Variants in SCARA5 observed in about 807,000 individuals in gnomAD.
The protein encoded by SCARA5 is scavenger receptor class A, member 5 (putative).
Under a neutral mutation model 46.3 loss-of-function variants are expected in SCARA5, and 45 were observed. The ratio of observed to expected loss-of-function variants is 0.97; its 90% CI spans 0.76 to 1.24. The LOEUF (loss-of-function observed/expected upper bound fraction) is 1.24, where lower values mean the gene tolerates loss of function less well. Among genes scored for constraint, SCARA5 ranks in the 50% most tolerant of loss-of-function variants. SCARA5 has a pLI of 0.00. For synonymous variants in SCARA5, 333 were observed against 306.5 expected (o/e 1.09, Z -0.90); for missense variants, 680 against 689.0 (o/e 0.99, Z 0.15).
intron 1 of SCARA5, among the ~76,000 whole-genome samples, 182 bp from the exon 2 acceptor site, chr8:27,987,812 G>T (rs547068708): frequency 6.6e-6 from 1 of 152,294 alleles, no homozygotes; most frequent in Admixed American, 6.5e-5. Context: ...AGGTCCTTGG[G>T]GCCGTGATGC....
intron 3 of SCARA5, among the ~76,000 whole-genome samples, chr8:27,958,304 C>T (rs1764485449): frequency 6.6e-6 from 1 of 152,258 alleles, no homozygotes; most frequent in Non-Finnish European, 1.5e-5. Flanking sequence ...CCTCCTCCCC[C>T]TCTTCCGGGG....
chr8:27,909,653 C>G lies in SCARA5; in HGVS notation c.997+10G>C, dbSNP rs552753730. The G allele has an allele frequency of 3.3e-6, 5 of 1,533,408 alleles. No homozygotes were observed. In the African/African-American group the frequency reaches 5.5e-5, roughly 17 times the overall value. The allele number at this position is 1,533,408 out of a possible 1,614,324, so 95.0% of individuals were successfully genotyped here. ...CTCTCCCAGGTACCACCCAGGGGCA[C>G]GCTCATTACCTCGAAGTCCAGGCAA... is the stretch of plus-strand genomic sequence containing the variant. On this transcript the variant is annotated intron_variant, in intron 5 of 8. Coordinates refer to ENST00000354914, the MANE Select transcript of SCARA5 (RefSeq NM_173833.6).
chr8:27,989,678 G>C (rs1274572500), intron 1 of SCARA5, among the ~76,000 whole-genome samples: 1 of 152,218 alleles, frequency 6.6e-6, no homozygotes, highest in East Asian at 1.9e-4. Flanking sequence ...GGAACAGGGG[G>C]TGGTCCTCGG....
chr8:27,884,186 C>T (rs1440889615), intron 7 of SCARA5, among the ~76,000 whole-genome samples: 1 of 152,202 alleles, frequency 6.6e-6, no homozygotes, highest in Non-Finnish European at 1.5e-5. Context: ...GCGGATCCTT[C>T]ATCCCTGGCC....
At chr8:27,959,886 C>T (rs1808268394) in intron 3 of SCARA5, among the ~76,000 whole-genome samples, 1 of 152,168 alleles carries the variant, frequency 6.6e-6, no homozygotes, top group Non-Finnish European at 1.5e-5. Context: ...TCCATCGCTC[C>T]CTCCCCTAAA....
chr8:27,913,097 C>A (rs1372722079), intron 4 of SCARA5, among the ~76,000 whole-genome samples: 1 of 152,198 alleles, frequency 6.6e-6, no homozygotes, highest in African/African-American at 2.4e-5. Flanking sequence ...TCCAAGCGCA[C>A]CTGAAATCAC....
At position 27,879,787 on chromosome 8, in the gene SCARA5, C is replaced by T. The variant is rs185325921; in HGVS notation, c.1154-21G>A. On this transcript the variant is annotated intron_variant, in intron 7 of 8. Coordinates refer to ENST00000354914, the MANE Select transcript of SCARA5 (RefSeq NM_173833.6). ...GCCACCTGCCGGAGCAGCCAACTGT[C>T]ACTACCCAGCTCTAGATACACCAGG... 2.7e-3 allele frequency: 4,395 copies of T among 1,611,152 alleles called. 8 individuals are homozygous for T. Among genetic ancestry groups the T allele is most frequent in the Non-Finnish European group, 3.5e-3 (4,073 of 1,179,558 alleles).
chr8:27,897,638 C>G (rs1051521116), intron 7 of SCARA5, among the ~76,000 whole-genome samples: 1 of 152,198 alleles, frequency 6.6e-6, no homozygotes, highest in African/African-American at 2.4e-5. Context: ...GCACCGCAGG[C>G]TCGGCTGCCT....
chr8:27,882,562 G>A (rs1420417827), intron 7 of SCARA5, among the ~76,000 whole-genome samples: 1 of 152,166 alleles, frequency 6.6e-6, no homozygotes, highest in Non-Finnish European at 1.5e-5. Context: ...AAGTGTCTCA[G>A]CCCTGATTTG....
chr8:27,911,245 C>T (rs1168651796), intron 4 of SCARA5, among the ~76,000 whole-genome samples: 2 of 71,898 alleles, frequency 2.8e-5, no homozygotes, highest in African/African-American at 8.1e-5. Flanking sequence ...CAAGTAATCT[C>T]ACCTGCCTTG....
At chr8:27,930,336 C>T (rs537426905) in intron 3 of SCARA5, among the ~76,000 whole-genome samples, 49 of 151,906 alleles carry the variant, frequency 3.2e-4, no homozygotes, top group Non-Finnish European at 6.9e-4. Context: ...CCATGTGAGA[C>T]GTGCCTTTCA....
chr8:27,979,555 C>CTT (rs1316560887), intron 2 of SCARA5, among the ~76,000 whole-genome samples: 5 of 140,732 alleles, frequency 3.6e-5, no homozygotes, highest in African/African-American at 5.2e-5. Context: ...GCCTGCCTGA[C>CTT]TTTTTTTTTT....
Position 27,921,602 on chromosome 8 carries a change from G to A in SCARA5, c.885C>T (p.Ser295=), listed in dbSNP as rs969770969. The change falls in exon 4 of 9, where the codon TCC becomes TCT. Residue 295 remains serine (S), a synonymous_variant. Coordinates refer to ENST00000354914, the MANE Select transcript of SCARA5 (RefSeq NM_173833.6). ...CGAGGGAGATGTTCCGCAGTGCGAT[G>A]GAGTGCTCCCAGTCCTTGAGGCGCA... The part of the protein sequence containing the change: ...EDLRLKDWEH[S]IALRNISLAK... 2.5e-6 allele frequency: 4 copies of A among 1,585,352 alleles called. No homozygotes were observed. The highest frequency in any genetic ancestry group is 3.4e-5 in the Admixed American group (2 of 58,184).
intron 2 of SCARA5, among the ~76,000 whole-genome samples, chr8:27,982,296 G>A (rs1314377095): frequency 6.6e-6 from 1 of 151,318 alleles, no homozygotes; most frequent in Middle Eastern, 3.2e-3. Context: ...CTCCCAGATC[G>A]GCCTCCTCCT....
At position 27,897,655 on chromosome 8, in the gene SCARA5, G is replaced by A. The variant is rs375883292; in HGVS notation, c.1153+7123C>T. 1.5e-4 allele frequency among the ~76,000 whole-genome samples: 23 copies of A among 150,648 alleles called. 1 individual carries two copies. Among genetic ancestry groups the A allele is most frequent in the South Asian group, 1.3e-3 (6 of 4,620 alleles). ...ACCGCAGGCTCGGCTGCCTGTGTACGCAGAGAAGTGGAGACACAGCAGGCA... is the reference window on the plus strand; with the variant it reads ...ACCGCAGGCTCGGCTGCCTGTGTACACAGAGAAGTGGAGACACAGCAGGCA... On this transcript the variant is annotated intron_variant, in intron 7 of 8. Transcript: ENST00000354914.
At chr8:27,879,860 G>A in intron 7 of SCARA5, 94 bp from the exon 8 acceptor site, 2 of 1,219,714 alleles carry the variant, frequency 1.6e-6, no homozygotes, top group African/African-American at 1.5e-5. Context: ...CTGGGTAGGA[G>A]GAAGAGAGGG....
intron 2 of SCARA5, among the ~76,000 whole-genome samples, chr8:27,968,111 A>G (rs1808396981): frequency 6.6e-6 from 1 of 152,064 alleles, no homozygotes. Context: ...TATCATTACT[A>G]CCTCCTTGGC....
At chr8:27,944,705 G>GA (rs11368469) in intron 3 of SCARA5, among the ~76,000 whole-genome samples, 126,692 of 138,948 alleles carry the variant, frequency 0.91, 58,067 homozygotes, top group Non-Finnish European at 0.97. Context: ...TGTAAAAATA[G>GA]AAAAAAAAAA....
chr8:27,888,984 C>G (rs1402096967), intron 7 of SCARA5, among the ~76,000 whole-genome samples: 5 of 152,188 alleles, frequency 3.3e-5, no homozygotes, highest in Non-Finnish European at 5.9e-5. Context: ...GCTTGGAGCT[C>G]TCTGCCTCAC....
Sources: gnomAD v4.1 joint callset for allele counts (sites outside exome capture counted in the v4.1 genomes callset) on GRCh38, gnomAD v4.1.1 for gene constraint, MANE v1.5 for transcripts, NCBI Gene and HGNC (gene_info 2026-07-23, HGNC 2026-07-21) for gene names.